CDH13: variants seen among roughly 807,000 people sequenced by gnomAD.
CDH13 encodes cadherin 13.
CDH13 carries 24 observed loss-of-function variants against 63.8 expected under a neutral mutation model. The observed-to-expected ratio is 0.38, with a 90% confidence interval of 0.27 to 0.53. The LOEUF (loss-of-function observed/expected upper bound fraction) is 0.53. CDH13 is among the 20% of genes least tolerant of loss of function. The pLI is 0.85. For synonymous variants in CDH13, 503 were observed against 355.3 expected (o/e 1.42, Z -4.67); for missense variants, 1,049 against 903.1 (o/e 1.16, Z -2.07).
intron 5 of CDH13, among the ~76,000 whole-genome samples, chr16:83,301,432 C>T (rs998210603): frequency 6.6e-6 from 1 of 152,124 alleles, no homozygotes; most frequent in African/African-American, 2.4e-5. Context: ...TGGTTTTACC[C>T]AGTACCTTGT....
chr16:83,378,267 C>T (rs2091492772), intron 6 of CDH13, among the ~76,000 whole-genome samples: 3 of 152,150 alleles, frequency 2.0e-5, no homozygotes, highest in Non-Finnish European at 2.9e-5. Context: ...ATGCCTTGCC[C>T]TGAAACACAC....
chr16:83,146,322 A>C (rs1479805277), intron 4 of CDH13, among the ~76,000 whole-genome samples: 1 of 152,258 alleles, frequency 6.6e-6, no homozygotes, highest in Non-Finnish European at 1.5e-5. Context: ...CATTATGTCT[A>C]GATAACTCCA....
rs573164794 is a variant in CDH13 at position 83,108,399 on chromosome 16, G to A, written c.367-16986G>A. On this transcript the variant is annotated intron_variant, in intron 3 of 13. Coordinates refer to ENST00000567109, the MANE Select transcript of CDH13 (RefSeq NM_001257.5). The stretch of plus-strand genomic sequence containing the variant: ...GACTGGGCTCACAGCCACATAAAAG[G>A]GTGAGAAACAGAAGTTATTGGACAA... 8.5e-5 allele frequency among the ~76,000 whole-genome samples: 13 copies of A among 152,300 alleles called. No individual in the cohort carries two copies. In the South Asian group the frequency reaches 2.7e-3, roughly 32 times the overall value.
At chr16:82,783,425 T>C (rs2151119148) in intron 1 of CDH13, among the ~76,000 whole-genome samples, 1 of 152,342 alleles carries the variant, frequency 6.6e-6, no homozygotes, top group South Asian at 2.1e-4. Flanking sequence ...CTTGCAGAGC[T>C]GCGTGAGCCT....
At chr16:83,768,825 G>T (rs1295577340) in intron 11 of CDH13, among the ~76,000 whole-genome samples, 1 of 151,962 alleles carries the variant, frequency 6.6e-6, no homozygotes, top group East Asian at 1.9e-4. Context: ...GGTCTTGGTG[G>T]GTTTTAGCCG....
chr16:82,840,171 T>C (rs929342417), intron 1 of CDH13, among the ~76,000 whole-genome samples: 9 of 152,112 alleles, frequency 5.9e-5, no homozygotes, highest in African/African-American at 2.2e-4. Flanking sequence ...TATGACTGAA[T>C]CTGTATTCAG....
chr16:83,156,632 A>T (rs1284042116), intron 4 of CDH13, among the ~76,000 whole-genome samples: 2 of 152,168 alleles, frequency 1.3e-5, no homozygotes, highest in Non-Finnish European at 2.9e-5. Context: ...CAAGCCCCTA[A>T]TAGGACTACA....
intron 4 of CDH13, among the ~76,000 whole-genome samples, chr16:83,156,500 C>G (rs2037212266): frequency 6.6e-6 from 1 of 152,114 alleles, no homozygotes; most frequent in Non-Finnish European, 1.5e-5. Context: ...GGAGTGATTG[C>G]CTGTGTGTCC....
intron 5 of CDH13, among the ~76,000 whole-genome samples, chr16:83,294,312 G>A (rs892799495): frequency 6.6e-6 from 1 of 151,890 alleles, no homozygotes; most frequent in Admixed American, 6.6e-5. Flanking sequence ...TTGCCATATT[G>A]GACAATAGTT....
chr16:83,415,354 A>T (rs937573922), intron 6 of CDH13, among the ~76,000 whole-genome samples: 1 of 152,216 alleles, frequency 6.6e-6, no homozygotes, highest in Admixed American at 6.5e-5. Flanking sequence ...AGAATTGATG[A>T]GAATCCTTCT....
At chr16:83,562,362 A>G (rs991104164) in intron 7 of CDH13, among the ~76,000 whole-genome samples, 11 of 152,254 alleles carry the variant, frequency 7.2e-5, no homozygotes, top group African/African-American at 2.2e-4. Context: ...GTATATAGCA[A>G]AAAATTAGCA....
In CDH13 at chr16:83,800,217, G is replaced by C. The variant is rs1904311065; in HGVS notation, c.*5187G>C. The C allele has an allele frequency of 6.6e-6, 1 of 152,176 alleles. No individual in the cohort carries two copies. Among genetic ancestry groups the C allele is most frequent in the Admixed American group, 6.5e-5 (1 of 15,288 alleles). The allele number at this position is 152,176 out of a possible 1,614,324, so 9.4% of individuals were successfully genotyped here. A position where few individuals can be genotyped will look rare whatever the true frequency, so the allele number is the denominator to read the frequency against. On this transcript the variant is annotated 3_prime_UTR_variant, in exon 14 of 14. Coordinates refer to ENST00000567109, the MANE Select transcript of CDH13 (RefSeq NM_001257.5). ...GAAGATTTGGAGAAAGGGGCTTATA[G>C]AAGCACTATGAAAATAAACTGGAGA... is the stretch of plus-strand genomic sequence containing the variant.
intron 5 of CDH13, among the ~76,000 whole-genome samples, chr16:83,330,080 C>T (rs976008785): frequency 1.3e-5 from 2 of 152,120 alleles, no homozygotes; most frequent in East Asian, 3.9e-4. Flanking sequence ...AAAAGCATTG[C>T]CTTCAAATAG....
chr16:83,517,994 T>A (rs1161187796), intron 7 of CDH13, among the ~76,000 whole-genome samples: 1 of 152,162 alleles, frequency 6.6e-6, no homozygotes, highest in Non-Finnish European at 1.5e-5. Context: ...TGTCTGGCTC[T>A]GTGTCCCCAC....
intron 1 of CDH13, among the ~76,000 whole-genome samples, chr16:82,648,619 G>A (rs1910373933): frequency 6.6e-6 from 1 of 152,198 alleles, no homozygotes; most frequent in Non-Finnish European, 1.5e-5. Context: ...GGTGGAATCT[G>A]AAAGGAATTT....
chr16:83,177,407 A>T (rs1023174147), intron 4 of CDH13, among the ~76,000 whole-genome samples: 2 of 152,210 alleles, frequency 1.3e-5, no homozygotes, highest in South Asian at 2.1e-4. Flanking sequence ...ATGAATAAGC[A>T]TGTCAACATC....
intron 4 of CDH13, among the ~76,000 whole-genome samples, chr16:83,161,011 C>A (rs2037422417): frequency 6.6e-6 from 1 of 152,202 alleles, no homozygotes; most frequent in African/African-American, 2.4e-5. Flanking sequence ...GCTGCCATTG[C>A]TATGAAAATG....
intron 6 of CDH13, among the ~76,000 whole-genome samples, chr16:83,478,848 A>G (rs1271449468): frequency 6.6e-6 from 1 of 150,438 alleles, no homozygotes. Context: ...AAAAAAAAAA[A>G]AAAAAGAAAA....
At chr16:83,302,372 G>C (rs545259121) in intron 5 of CDH13, among the ~76,000 whole-genome samples, 73 of 152,266 alleles carry the variant, frequency 4.8e-4, no homozygotes, top group African/African-American at 1.7e-3. Flanking sequence ...AAAATATGTA[G>C]AAGTTCTTGG....
Sources: gnomAD v4.1 joint callset for allele counts (sites outside exome capture counted in the v4.1 genomes callset) on GRCh38, gnomAD v4.1.1 for gene constraint, MANE v1.5 for transcripts, NCBI Gene and HGNC (gene_info 2026-07-23, HGNC 2026-07-21) for gene names.